Variants in RFT1 observed in about 807,000 individuals in gnomAD.
RFT1 encodes man(5)GlcNAc(2)-PP-dolichol translocation protein RFT1.
A neutral mutation model predicts 62.2 loss-of-function variants in RFT1; 43 were observed. That is an observed-to-expected ratio of 0.69 (90% CI 0.54 to 0.89). RFT1 has a LOEUF of 0.89. RFT1 is among the 40% of genes least tolerant of loss of function. RFT1 has a pLI of 0.00. For synonymous variants in RFT1, 262 were observed against 264.6 expected, an observed-to-expected ratio of 0.99 and a Z score of 0.10; for missense variants, 605 against 649.9, an observed-to-expected ratio of 0.93 and a Z score of 0.75.
the RFT1 span, among the ~76,000 whole-genome samples, chr3:53,069,988 T>C: frequency 0.98 from 149,868 of 152,318 alleles, 73,786 homozygotes; most frequent in Middle Eastern, 1. Context: ...GCAGGCTCTC[T>C]GGGAGGCACC....
rs1327980625 is a variant in RFT1 at position 53,099,478 on chromosome 3, A to T, written c.1111T>A (p.Leu371Met). ...TMLSSGSGPVLLRSYCLYVLL... is the reference protein window; with the variant it reads ...TMLSSGSGPVMLRSYCLYVLL... The stretch of plus-strand genomic sequence containing the variant: ...ACATAGAGACAGTAGGAACGCAGCA[A>T]AACAGGACCTACAAGGAAACAACTC... The change falls in exon 11 of 13, where the codon TTG becomes ATG. Residue 371 changes from leucine (L) to methionine (M), a missense_variant. Transcript: ENST00000296292. 6.2e-7 allele frequency: 1 copy of T among 1,613,816 alleles called. No homozygotes were observed. The highest frequency in any genetic ancestry group is 8.5e-7 in the Non-Finnish European group (1 of 1,179,784).
intron 6 of RFT1, among the ~76,000 whole-genome samples, chr3:53,115,305 G>A (rs1191658839): frequency 6.6e-6 from 1 of 152,092 alleles, no homozygotes; most frequent in Non-Finnish European, 1.5e-5. Flanking sequence ...TGCAAAATGG[G>A]ATAAGAAGTC....
rs1404877135 is a variant in RFT1 at position 53,091,717 on chromosome 3, C to G, written c.*186G>C. The G allele has an allele frequency of 1.5e-6, 1 of 657,664 alleles. No individual in the cohort carries two copies. Among genetic ancestry groups the G allele is most frequent in the Non-Finnish European group, 2.7e-6 (1 of 363,864 alleles). The allele number at this position is 657,664 out of a possible 1,614,324, so 40.7% of individuals were successfully genotyped here. On this transcript the variant is annotated 3_prime_UTR_variant, in exon 13 of 13. Coordinates refer to ENST00000296292, the MANE Select transcript of RFT1 (RefSeq NM_052859.4). ...GTCTTCACTTAAAAATGAAACTCCC[C>G]CCCCGCATTTCAGACTTCGAATGGT...
At chr3:53,102,566 G>A (rs1701347790) in intron 10 of RFT1, among the ~76,000 whole-genome samples, 1 of 152,176 alleles carries the variant, frequency 6.6e-6, no homozygotes. Flanking sequence ...GCAAAGCTAG[G>A]TGTGAGAAGG....
At chr3:53,085,071 G>A (rs62255924), downstream of RFT1, among the ~76,000 whole-genome samples, 7,880 of 143,878 alleles carry the variant, frequency 0.055, 286 homozygotes, top group Middle Eastern at 0.083. Context: ...GAAGCAAGGA[G>A]GAGGGAGGGG....
chr3:53,105,314 T>C (rs1701431706), intron 9 of RFT1, among the ~76,000 whole-genome samples: 1 of 152,036 alleles, frequency 6.6e-6, no homozygotes, highest in Admixed American at 6.5e-5. Flanking sequence ...CTCAGGAGGC[T>C]GAGGCAGGAG....
intron 2 of RFT1, among the ~76,000 whole-genome samples, chr3:53,124,693 A>G (rs1023772069): frequency 1.3e-5 from 2 of 152,132 alleles, no homozygotes; most frequent in Admixed American, 6.6e-5. Context: ...CCAAGTGCCT[A>G]TATTTCTCAG....
chr3:53,073,838 A>C, the RFT1 span, among the ~76,000 whole-genome samples: 1 of 152,170 alleles, frequency 6.6e-6, no homozygotes, highest in Non-Finnish European at 1.5e-5. Context: ...GCGGGAGACC[A>C]CAAAGCTCTA....
rs1290384866 is a variant in RFT1 at position 53,121,729 on chromosome 3, G to T, written c.528C>A (p.His176Gln). ...CCAAAGAGAAAATGTACAATCCCCA[G>T]TGAGGCAACCACAGCACGAGAAAAG... ...LTAFLVLWLP[H>Q]WGLYIFSLAQ... Residue 176 changes from histidine (H) to glutamine (Q), a missense_variant, in exon 5 of 13, where the codon CAC becomes CAA. By Grantham distance (24) the His-to-Gln change is conservative. Transcript: ENST00000296292. 1 of 1,614,026 alleles carries T rather than the reference G, an allele frequency of 6.2e-7. No individual in the cohort carries two copies. The highest frequency in any genetic ancestry group is 1.7e-5 in the Admixed American group (1 of 60,004).
chr3:53,107,456 A>G (rs1049256055), intron 7 of RFT1, among the ~76,000 whole-genome samples: 1 of 152,046 alleles, frequency 6.6e-6, no homozygotes, highest in Non-Finnish European at 1.5e-5. Flanking sequence ...AGTTTTTAAA[A>G]AAGTATGTGG....
At chr3:53,101,306 C>T (rs1474912373) in intron 10 of RFT1, among the ~76,000 whole-genome samples, 5 of 152,178 alleles carry the variant, frequency 3.3e-5, no homozygotes, top group Non-Finnish European at 5.9e-5. Context: ...CCAGGCTCTG[C>T]ACCCGGGAGG....
intron 6 of RFT1, among the ~76,000 whole-genome samples, chr3:53,114,074 G>A (rs749598614): frequency 1.3e-5 from 2 of 152,140 alleles, no homozygotes; most frequent in Admixed American, 6.5e-5. Context: ...TCCTTTCCCC[G>A]GAACAAAGAG....
chr3:53,075,980 C>G, the RFT1 span, among the ~76,000 whole-genome samples: 1 of 152,158 alleles, frequency 6.6e-6, no homozygotes, highest in Non-Finnish European at 1.5e-5. Context: ...GGGGCTGGCT[C>G]TTTCTCCGAT....
rs1297001395 is a variant in RFT1, at chr3:53,089,805, G to A, written c.*2098C>T. On this transcript the variant is annotated 3_prime_UTR_variant, in exon 13 of 13. Transcript: ENST00000296292. The stretch of plus-strand genomic sequence containing the variant: ...GAGCTGGCCCTGACAGCAGCACTGG[G>A]CGAACAGCAGGGGAGGGATGAGAGA... 1 of 152,434 alleles carries A rather than the reference G, an allele frequency of 6.6e-6. No homozygotes were observed. Among genetic ancestry groups the A allele is most frequent in the Non-Finnish European group, 1.5e-5 (1 of 68,192 alleles). The allele number at this position is 152,434 out of a possible 1,614,324, so 9.4% of individuals were successfully genotyped here.
intron 8 of RFT1, 60 bp from the exon 9 acceptor site, chr3:53,105,863 G>C: frequency 7.2e-7 from 1 of 1,395,482 alleles, no homozygotes. Flanking sequence ...AATTTTTATA[G>C]CACTATTAAA....
chr3:53,108,205 A>T (rs9845352), intron 7 of RFT1, among the ~76,000 whole-genome samples: 39,495 of 149,148 alleles, frequency 0.26, 5,565 homozygotes, highest in Middle Eastern at 0.41. Flanking sequence ...TCCACCACCA[A>T]GCCCAGCACT....
chr3:53,125,555 T>G (rs112693175), intron 2 of RFT1, among the ~76,000 whole-genome samples: 260 of 152,362 alleles, frequency 1.7e-3, no homozygotes, highest in Non-Finnish European at 3.2e-3. Context: ...AATTTCTGTT[T>G]CCTTTGCTGT....
chr3:53,106,173 C>T (rs1226189734), intron 8 of RFT1, among the ~76,000 whole-genome samples: 5 of 152,074 alleles, frequency 3.3e-5, no homozygotes, highest in African/African-American at 4.8e-5. Context: ...GTTGAGGCTG[C>T]AGTGAGCTGT....
intron 2 of RFT1, 110 bp from the exon 3 acceptor site, chr3:53,123,950 G>T: frequency 1.2e-6 from 1 of 852,466 alleles, no homozygotes; most frequent in Non-Finnish European, 1.9e-6. Flanking sequence ...TAAACCACTG[G>T]TGGTGATGTG....
Sources: gnomAD v4.1 joint callset for allele counts (sites outside exome capture counted in the v4.1 genomes callset) on GRCh38, gnomAD v4.1.1 for gene constraint, MANE v1.5 for transcripts, NCBI Gene and HGNC (gene_info 2026-07-23, HGNC 2026-07-21) for gene names.